The following L3MBTL4 variants were observed in gnomAD, a reference collection of about 807,000 sequenced individuals.
L3MBTL4 encodes the protein L3MBTL histone methyl-lysine binding protein 4, also known as lethal(3)malignant brain tumor-like protein 4.
L3MBTL4 carries 70 observed loss-of-function variants against 84.5 expected under a neutral mutation model. The observed-to-expected ratio is 0.83, with a 90% CI of 0.68 to 1.01. The LOEUF (loss-of-function observed/expected upper bound fraction) is 1.01, where lower values mean the gene tolerates loss of function less well. Among genes scored for constraint, L3MBTL4 ranks in the 50% least tolerant of loss-of-function variants. The probability of loss-of-function intolerance (pLI) is 0.00; values close to 1 mark genes in which losing one functional copy is unlikely to be tolerated. For synonymous variants in L3MBTL4, 274 were observed against 259.8 expected (o/e 1.05, Z -0.52); for missense variants, 715 against 754.8 (o/e 0.95, Z 0.62).
rs183659395 is a variant in L3MBTL4 at position 6,003,557 on chromosome 18, C to A, written c.1445-33995G>T. On this transcript the variant is annotated intron_variant, in intron 16 of 18. Coordinates refer to ENST00000317931, the MANE Select transcript of L3MBTL4 (RefSeq NM_001330559.2). ...GTATGACACAATAAACCAATGAGAG[C>A]TAACAGGCATAAACAGGACACTTTA... Among the ~76,000 whole-genome samples, 161 of 151,978 alleles carry A rather than the reference C, an allele frequency of 1.1e-3. 1 individual carries two copies. The highest frequency in any genetic ancestry group is 3.8e-3 in the African/African-American group (158 of 41,508).
chr18:6,151,206 C>T (rs1403047569), intron 13 of L3MBTL4, among the ~76,000 whole-genome samples: 4 of 152,180 alleles, frequency 2.6e-5, no homozygotes, highest in African/African-American at 9.7e-5. Flanking sequence ...ACCACTGACC[C>T]AGTCCACCCA....
intron 13 of L3MBTL4, among the ~76,000 whole-genome samples, chr18:6,163,260 G>GTGT (rs1491572437): frequency 1.4e-5 from 1 of 70,984 alleles, no homozygotes; most frequent in Non-Finnish European, 2.9e-5. Flanking sequence ...GTGTGTGTGT[G>GTGT]GGGGGGGGGT....
chr18:6,107,809 A>C (rs1214045245), intron 14 of L3MBTL4, among the ~76,000 whole-genome samples: 1 of 152,194 alleles, frequency 6.6e-6, no homozygotes, highest in Non-Finnish European at 1.5e-5. Context: ...AGATAGATGC[A>C]TTCTCAAAGT....
intron 5 of L3MBTL4, among the ~76,000 whole-genome samples, chr18:6,251,665 G>T (rs1324864549): frequency 6.6e-6 from 1 of 152,088 alleles, no homozygotes; most frequent in African/African-American, 2.4e-5. Context: ...GCTAATTAAA[G>T]ACTTCATAAT....
chr18:6,280,971 T>C (rs997184989), intron 4 of L3MBTL4, among the ~76,000 whole-genome samples: 1 of 152,126 alleles, frequency 6.6e-6, no homozygotes, highest in Non-Finnish European at 1.5e-5. Flanking sequence ...ACTTCTAACC[T>C]ACAGAACTGT....
At chr18:6,114,322 T>C (rs2059291883) in intron 14 of L3MBTL4, among the ~76,000 whole-genome samples, 1 of 152,212 alleles carries the variant, frequency 6.6e-6, no homozygotes, top group African/African-American at 2.4e-5. Context: ...ACAGTGACCA[T>C]CACTTCCTCT....
intron 4 of L3MBTL4, among the ~76,000 whole-genome samples, chr18:6,281,065 A>G (rs1437637693): frequency 1.3e-5 from 2 of 152,234 alleles, no homozygotes; most frequent in African/African-American, 2.4e-5. Context: ...TACATCAGGA[A>G]TAATCACTGC....
chr18:6,110,988 C>T (rs562515067), intron 14 of L3MBTL4, among the ~76,000 whole-genome samples: 5 of 152,092 alleles, frequency 3.3e-5, no homozygotes, highest in Admixed American at 6.6e-5. Flanking sequence ...CTCCCACCCC[C>T]CAGGTCCTAT....
chr18:6,160,626 G>A (rs2043292386), intron 13 of L3MBTL4, among the ~76,000 whole-genome samples: 1 of 151,442 alleles, frequency 6.6e-6, no homozygotes, highest in Non-Finnish European at 1.5e-5. Flanking sequence ...AGCTACCCAA[G>A]AGTATGAGAC....
At chr18:6,183,553 G>A (rs10048378) in intron 12 of L3MBTL4, among the ~76,000 whole-genome samples, 2,131 of 152,164 alleles carry the variant, frequency 0.014, 60 homozygotes, top group African/African-American at 0.049. Context: ...TTTCCACCTT[G>A]GATCCTATAG....
chr18:6,023,410 C>G (rs1200187348), intron 16 of L3MBTL4, among the ~76,000 whole-genome samples: 1 of 152,140 alleles, frequency 6.6e-6, no homozygotes, highest in Non-Finnish European at 1.5e-5. Flanking sequence ...GAAAGTGAGC[C>G]AGCTTTTCTT....
rs12607827 is a variant in L3MBTL4 at position 6,286,986 on chromosome 18, T to C, written c.127+14917A>G. Reference sequence around the variant, plus strand: ...GATTGAGGCTTCAGTGAAGGAACTTTTCCCCTTCAGTTGGATAAGGCAGCT... The same window carrying C: ...GATTGAGGCTTCAGTGAAGGAACTTCTCCCCTTCAGTTGGATAAGGCAGCT... On this transcript the variant is annotated intron_variant, in intron 4 of 18. Coordinates refer to ENST00000317931, the MANE Select transcript of L3MBTL4 (RefSeq NM_001330559.2). 3.3e-3 allele frequency among the ~76,000 whole-genome samples: 503 copies of C among 152,300 alleles called. 2 individuals carry two copies. The highest frequency in any genetic ancestry group is 0.02 in the East Asian group (102 of 5,172).
At chr18:6,129,368 C>CTCTG (rs1555663722) in intron 14 of L3MBTL4, among the ~76,000 whole-genome samples, 15 of 138,226 alleles carry the variant, frequency 1.1e-4, no homozygotes, top group African/African-American at 3.6e-4. Context: ...GGAATTCTCT[C>CTCTG]TGTGTGTGTG....
In L3MBTL4 at chr18:6,031,291, T is replaced by C. The variant is rs190071449; in HGVS notation, c.1444+49590A>G. ...CACAGCAGAATGGTGAACAGTGTTC[T>C]TGTGTTCCTGGGCATTTGGGTTATA... On this transcript the variant is annotated intron_variant, in intron 16 of 18. Coordinates refer to ENST00000317931, the MANE Select transcript of L3MBTL4 (RefSeq NM_001330559.2). 1.8e-5 allele frequency: 18 copies of C among 985,500 alleles called. No homozygotes were observed. In the Admixed American group the frequency reaches 9.8e-4, roughly 54 times the overall value. 61.0% of individuals were successfully genotyped at this position (985,500 alleles called of 1,614,324 possible). A position where few individuals can be genotyped will look rare whatever the true frequency, so the allele number is the denominator to read the frequency against.
At chr18:6,237,007 T>C (rs1275734590) in intron 10 of L3MBTL4, among the ~76,000 whole-genome samples, 6 of 152,240 alleles carry the variant, frequency 3.9e-5, no homozygotes, top group Admixed American at 3.9e-4. Context: ...AGAAAATATC[T>C]GTCTGCTTGA....
rs756125320 is a variant in L3MBTL4, at chr18:6,243,468, ATAT to A, written c.325-42_325-40del. ...AGTTTACAATCATTCGTTAAGTGTCATATATTTGGAGTAGACACAAAATTCACA... is the reference window on the plus strand; with the variant it reads ...AGTTTACAATCATTCGTTAAGTGTCAATTTGGAGTAGACACAAAATTCACA... On this transcript the variant is annotated intron_variant, in intron 6 of 18. Transcript: ENST00000317931. The A allele has an allele frequency of 6.5e-6, 10 of 1,528,172 alleles. No homozygotes were observed. The African/African-American group carries it at 1.1e-4, about 17-fold the overall frequency. The allele number at this position is 1,528,172 out of a possible 1,614,324, so 94.7% of individuals were successfully genotyped here.
At chr18:6,196,579 T>C (rs1266888285) in intron 12 of L3MBTL4, among the ~76,000 whole-genome samples, 1 of 152,202 alleles carries the variant, frequency 6.6e-6, no homozygotes, top group Non-Finnish European at 1.5e-5. Flanking sequence ...AAAAGTCACA[T>C]CATTTATGAA....
At chr18:6,009,063 G>A (rs1275042368) in intron 16 of L3MBTL4, among the ~76,000 whole-genome samples, 2 of 152,184 alleles carry the variant, frequency 1.3e-5, no homozygotes, top group East Asian at 3.9e-4. Flanking sequence ...CCTCGGGAGG[G>A]GTGAGCTATA....
At chr18:6,044,719 G>A (rs991967230) in intron 16 of L3MBTL4, among the ~76,000 whole-genome samples, 4 of 152,204 alleles carry the variant, frequency 2.6e-5, no homozygotes, top group African/African-American at 7.2e-5. Flanking sequence ...TCATCTTGGA[G>A]AGCTGTGGGA....
Sources: gnomAD v4.1 joint callset for allele counts (sites outside exome capture counted in the v4.1 genomes callset) on GRCh38, gnomAD v4.1.1 for gene constraint, MANE v1.5 for transcripts, NCBI Gene and HGNC (gene_info 2026-07-23, HGNC 2026-07-21) for gene names.